Variants in FANCC observed in about 807,000 individuals in gnomAD.
FANCC encodes the protein FA complementation group C, also known as Fanconi anemia group C protein.
A neutral mutation model predicts 71.3 loss-of-function variants in FANCC; 55 were observed. The observed-to-expected ratio is 0.77, with a 90% CI of 0.62 to 0.97. FANCC has a LOEUF of 0.97. Ranked by LOEUF, FANCC falls within the 50% of genes least tolerant of loss-of-function variation. The pLI is 0.00. For missense variants in FANCC, 678 were observed against 670.9 expected (o/e 1.01, Z -0.12); for synonymous variants, 275 against 244.9 (o/e 1.12, Z -1.15).
At chr9:95,125,385 C>T (rs1012079139) in intron 9 of FANCC, among the ~76,000 whole-genome samples, 200 bp from the exon 10 acceptor site, 3 of 152,192 alleles carry the variant, frequency 2.0e-5, no homozygotes, top group Admixed American at 1.3e-4. Context: ...AAAATTGCAA[C>T]GTGCAGAGCT....
At chr9:95,209,386 A>G (rs560058249) in intron 4 of FANCC, among the ~76,000 whole-genome samples, 6 of 152,326 alleles carry the variant, frequency 3.9e-5, no homozygotes, top group African/African-American at 1.4e-4. Context: ...ACTCTGAATG[A>G]TAACGATGTG....
intron 14 of FANCC, among the ~76,000 whole-genome samples, chr9:95,106,075 G>C (rs931328643): frequency 1.3e-4 from 20 of 152,214 alleles, no homozygotes; most frequent in African/African-American, 4.3e-4. Flanking sequence ...CGACGTTAAT[G>C]TCCCCACCGG....
chr9:95,118,323 A>G (rs1340337541), intron 10 of FANCC, among the ~76,000 whole-genome samples: 1 of 152,246 alleles, frequency 6.6e-6, no homozygotes, highest in African/African-American at 2.4e-5. Context: ...CTGGCTCAGC[A>G]TGGTTTTTAA....
intron 7 of FANCC, chr9:95,145,666 T>C (rs150711819): frequency 6.6e-6 from 1 of 152,268 alleles, no homozygotes; most frequent in Non-Finnish European, 1.5e-5. Context: ...ACTAAAGCAG[T>C]GATACTGCCG....
At chr9:95,111,236 G>A in intron 13 of FANCC, 2 of 1,537,756 alleles carry the variant, frequency 1.3e-6, no homozygotes, top group South Asian at 1.2e-5. Context: ...TTTTGCAGGA[G>A]AATGGGCTGG....
chr9:95,157,930 CCA>C (rs2135494086), intron 6 of FANCC, among the ~76,000 whole-genome samples: 1 of 152,286 alleles, frequency 6.6e-6, no homozygotes, highest in South Asian at 2.1e-4. Context: ...GTCCCCAGAA[CCA>C]CAGTCTTTCC....
At chr9:95,181,182 T>C (rs1313537592) in intron 4 of FANCC, among the ~76,000 whole-genome samples, 1 of 149,932 alleles carries the variant, frequency 6.7e-6, no homozygotes, top group Non-Finnish European at 1.5e-5. Context: ...TGTGTGTGTG[T>C]GTGTGTGTAT....
chr9:95,263,533 T>TATAGATAGATAG (rs34461769), intron 1 of FANCC, among the ~76,000 whole-genome samples: 268 of 147,282 alleles, frequency 1.8e-3, no homozygotes, highest in African/African-American at 3.2e-3. Context: ...TATATATAGA[T>TATAGATAGATAG]ATAGATAGAT....
chr9:95,270,120 T>C (rs1832635214), intron 1 of FANCC, among the ~76,000 whole-genome samples: 1 of 151,552 alleles, frequency 6.6e-6, no homozygotes, highest in Non-Finnish European at 1.5e-5. Flanking sequence ...CAAAATGGAG[T>C]CTCCTATGTC....
At chr9:95,150,279 A>C (rs1459341705) in intron 6 of FANCC, among the ~76,000 whole-genome samples, 192 bp from the exon 7 acceptor site, 1 of 152,168 alleles carries the variant, frequency 6.6e-6, no homozygotes, top group African/African-American at 2.4e-5. Flanking sequence ...TTTAGCTACC[A>C]TTGCTGTTTC....
intron 1 of FANCC, among the ~76,000 whole-genome samples, chr9:95,290,343 C>G (rs1833930139): frequency 6.6e-6 from 1 of 152,206 alleles, no homozygotes; most frequent in African/African-American, 2.4e-5. Flanking sequence ...AACTGAGGAT[C>G]TTCCAAGTAT....
intron 3 of FANCC, among the ~76,000 whole-genome samples, chr9:95,242,552 C>A (rs964571769): frequency 2.0e-5 from 3 of 151,016 alleles, no homozygotes; most frequent in South Asian, 2.1e-4. Context: ...AAAAGAATAC[C>A]CAAAACTGGG....
chr9:95,310,870 T>A (rs1015345523), intron 1 of FANCC, among the ~76,000 whole-genome samples: 10 of 152,134 alleles, frequency 6.6e-5, no homozygotes, highest in African/African-American at 2.4e-4. Context: ...AACAAGCATA[T>A]ACACATAAGG....
chr9:95,164,562 T>C (rs1234023390), intron 6 of FANCC, among the ~76,000 whole-genome samples: 1 of 152,200 alleles, frequency 6.6e-6, no homozygotes, highest in Non-Finnish European at 1.5e-5. Context: ...ATGATCCATG[T>C]GGTTTTTGTT....
intron 1 of FANCC, chr9:95,294,717 T>C: frequency 6.2e-7 from 1 of 1,603,244 alleles, no homozygotes; most frequent in Admixed American, 1.7e-5. Flanking sequence ...ACGACTTTCT[T>C]CTGGCTGATA....
chr9:95,171,239 C>T, intron 5 of FANCC, 96 bp from the exon 6 acceptor site: 4 of 864,360 alleles, frequency 4.6e-6, no homozygotes, highest in Admixed American at 1.9e-5. Context: ...CGTTGAGATT[C>T]CCCCAACCCC....
chr9:95,289,318 T>C (rs373232901), intron 1 of FANCC, among the ~76,000 whole-genome samples: 2 of 152,286 alleles, frequency 1.3e-5, no homozygotes, highest in East Asian at 3.9e-4. Context: ...TAACAGTATA[T>C]ATAAATTAAC....
At chr9:95,263,748 T>C (rs964328241) in intron 1 of FANCC, among the ~76,000 whole-genome samples, 6 of 152,254 alleles carry the variant, frequency 3.9e-5, no homozygotes, top group African/African-American at 1.2e-4. Flanking sequence ...AAAATAGTTT[T>C]ACCCTTGTGA....
chr9:95,102,463 G>A (rs1295375526), intron 14 of FANCC, among the ~76,000 whole-genome samples: 1 of 152,208 alleles, frequency 6.6e-6, no homozygotes. Flanking sequence ...AAAGGGAAGG[G>A]TGAGAATCTT....
Sources: allele counts gnomAD v4.1 joint callset (sites outside exome capture counted in the v4.1 genomes callset), GRCh38; gene constraint gnomAD v4.1.1; transcripts MANE v1.5; gene names NCBI Gene and HGNC (gene_info 2026-07-23, HGNC 2026-07-21).